The following MEGF10 variants were observed in gnomAD, a reference collection of about 807,000 sequenced individuals.
The protein encoded by MEGF10 is multiple EGF like domains 10, also known as multiple epidermal growth factor-like domains protein 10.
In MEGF10, 86 loss-of-function variants were observed where a neutral mutation model predicts 147.5. The observed-to-expected ratio is 0.58, with a 90% CI of 0.49 to 0.70. The LOEUF (loss-of-function observed/expected upper bound fraction) is 0.70. Ranked by LOEUF, MEGF10 falls within the 30% of genes least tolerant of loss-of-function variation. The pLI is 0.00. For missense variants in MEGF10, 1,329 were observed against 1,487.3 expected (o/e 0.89, Z 1.75); for synonymous variants, 478 against 525.5 (o/e 0.91, Z 1.24).
At position 127,435,488 on chromosome 5, in the gene MEGF10, A is replaced by G; in HGVS notation, c.2103A>G (p.Gln701=). Reference sequence around the variant, plus strand: ...GTTGGATTGGCAGTGACTGCTCTCAACGTAAGTCTTGTTTGAGAACAATTA... The same window carrying G: ...GTTGGATTGGCAGTGACTGCTCTCAGCGTAAGTCTTGTTTGAGAACAATTA... ...YPGWIGSDCS[Q]PCPPAHWGPN... The change falls in exon 16 of 25, where the codon CAA becomes CAG. Residue 701 remains glutamine, a splice_region_variant and synonymous_variant. Transcript: ENST00000503335. 6.2e-7 allele frequency: 1 copy of G among 1,612,424 alleles called. No individual in the cohort carries two copies. Among genetic ancestry groups the G allele is most frequent in the Non-Finnish European group, 8.5e-7 (1 of 1,179,412 alleles).
At chr5:127,385,555 G>A (rs918087464) in intron 5 of MEGF10, among the ~76,000 whole-genome samples, 3 of 152,352 alleles carry the variant, frequency 2.0e-5, no homozygotes, top group Non-Finnish European at 4.4e-5. Context: ...TTACAGGCAT[G>A]AGCCACTGTG....
intron 5 of MEGF10, among the ~76,000 whole-genome samples, chr5:127,390,408 G>C (rs898257996): frequency 5.9e-5 from 9 of 151,906 alleles, no homozygotes; most frequent in African/African-American, 1.9e-4. Context: ...TGCCACCTTA[G>C]CCTCCTGAGT....
At chr5:127,420,823 T>C (rs774171966) in intron 12 of MEGF10, among the ~76,000 whole-genome samples, 2 of 152,072 alleles carry the variant, frequency 1.3e-5, no homozygotes, top group Non-Finnish European at 2.9e-5. Context: ...CATTCTGGAG[T>C]AAGCTGCTGA....
At chr5:127,320,992 G>T (rs768796352) in intron 1 of MEGF10, among the ~76,000 whole-genome samples, 17 of 152,180 alleles carry the variant, frequency 1.1e-4, no homozygotes, top group Non-Finnish European at 2.1e-4. Flanking sequence ...AAGTAGCTTA[G>T]TCTCTTAGAG....
chr5:127,285,994 C>T (rs914002738), upstream of MEGF10, among the ~76,000 whole-genome samples: 4 of 152,014 alleles, frequency 2.6e-5, no homozygotes, highest in African/African-American at 7.2e-5. Context: ...AAATTGGAAT[C>T]GTGTTATTTG....
At chr5:127,239,676 C>A in the MEGF10 span, among the ~76,000 whole-genome samples, 1 of 151,704 alleles carries the variant, frequency 6.6e-6, no homozygotes, top group Non-Finnish European at 1.5e-5. Context: ...ATAGATCAGG[C>A]AAGATTAGGC....
chr5:127,306,668 A>G (rs1266332107), intron 1 of MEGF10, among the ~76,000 whole-genome samples: 1 of 152,208 alleles, frequency 6.6e-6, no homozygotes, highest in Non-Finnish European at 1.5e-5. Flanking sequence ...AGCTAAGCGA[A>G]GATGCTCGCG....
intron 5 of MEGF10, among the ~76,000 whole-genome samples, chr5:127,380,117 A>G (rs1021118984): frequency 6.6e-6 from 1 of 151,636 alleles, no homozygotes; most frequent in African/African-American, 2.4e-5. Flanking sequence ...AGCCCCATGA[A>G]AACATGGGTT....
At chr5:127,265,233 C>T in the MEGF10 span, among the ~76,000 whole-genome samples, 1 of 152,132 alleles carries the variant, frequency 6.6e-6, no homozygotes, top group Non-Finnish European at 1.5e-5. Flanking sequence ...CATGTCCCTA[C>T]AAAGGACATG....
chr5:127,300,306 C>G (rs1369755501), intron 1 of MEGF10, among the ~76,000 whole-genome samples: 1 of 152,170 alleles, frequency 6.6e-6, no homozygotes, highest in Non-Finnish European at 1.5e-5. Context: ...TGCTTCCAGG[C>G]CCGAATACTG....
chr5:127,244,087 C>T, the MEGF10 span, among the ~76,000 whole-genome samples: 1 of 148,438 alleles, frequency 6.7e-6, no homozygotes, highest in South Asian at 2.1e-4. Flanking sequence ...TCCCAACTAC[C>T]TGGGAGGCTG....
chr5:127,261,337 T>C, the MEGF10 span, among the ~76,000 whole-genome samples: 1 of 152,214 alleles, frequency 6.6e-6, no homozygotes, highest in Non-Finnish European at 1.5e-5. Flanking sequence ...AGACATTTCA[T>C]AGAAATAGAA....
chr5:127,398,596 TG>T, intron 6 of MEGF10, 79 bp from the exon 7 acceptor site: 1 of 1,533,702 alleles, frequency 6.5e-7, no homozygotes, highest in Non-Finnish European at 9.0e-7. Context: ...TTGTCTATTT[TG>T]GGGACCCTGG....
In MEGF10 at chr5:127,438,550, G is replaced by C; in HGVS notation, c.2216G>C (p.Gly739Ala). The C allele has an allele frequency of 6.2e-7, 1 of 1,614,074 alleles. No individual in the cohort carries two copies. The highest frequency in any genetic ancestry group is 8.5e-7 in the Non-Finnish European group (1 of 1,179,964). Residue 739 changes from glycine to alanine, a missense_variant, in exon 17 of 25, where the codon GGG becomes GCG. This residue lies in a region of MEGF10 where 980 missense variants were observed against 1,085.9 expected (regional missense o/e 0.90). Transcript: ENST00000503335. ...GECKCTPGWT[G>A]LYCTQRCPLG... The stretch of plus-strand genomic sequence containing the variant: ...TGTAAATGCACTCCTGGCTGGACAG[G>C]GCTCTACTGCACTCAGAGTAAGTGA...
chr5:127,348,897 C>T (rs1418610409), intron 4 of MEGF10, among the ~76,000 whole-genome samples: 2 of 152,030 alleles, frequency 1.3e-5, no homozygotes, highest in Non-Finnish European at 2.9e-5. Context: ...ATCTAATAAG[C>T]CCAACTTACA....
chr5:127,375,299 C>T (rs1414330926), intron 5 of MEGF10, among the ~76,000 whole-genome samples: 1 of 152,058 alleles, frequency 6.6e-6, no homozygotes, highest in Non-Finnish European at 1.5e-5. Flanking sequence ...CAAAAGGCTT[C>T]TCTTTGAGAT....
chr5:127,361,730 A>G (rs1387828415), intron 4 of MEGF10, among the ~76,000 whole-genome samples: 1 of 151,972 alleles, frequency 6.6e-6, no homozygotes, highest in Admixed American at 6.6e-5. Flanking sequence ...TTTTGTTTTC[A>G]TTTACTTTAA....
At chr5:127,301,223 C>G (rs965586094) in intron 1 of MEGF10, among the ~76,000 whole-genome samples, 5 of 152,188 alleles carry the variant, frequency 3.3e-5, no homozygotes, top group Non-Finnish European at 7.3e-5. Flanking sequence ...TGCTTCCAGT[C>G]CCAGAACAAC....
intron 22 of MEGF10, among the ~76,000 whole-genome samples, chr5:127,449,555 A>C (rs1033104309): frequency 6.6e-6 from 1 of 152,162 alleles, no homozygotes; most frequent in East Asian, 1.9e-4. Flanking sequence ...CACCATCTGC[A>C]TGTTACAGTT....
Sources: allele counts gnomAD v4.1 joint callset (sites outside exome capture counted in the v4.1 genomes callset), GRCh38; gene constraint gnomAD v4.1.1; regional missense constraint gnomAD v4.1.1; transcripts MANE v1.5; gene names NCBI Gene and HGNC (gene_info 2026-07-23, HGNC 2026-07-21).